The following MSRA variants were observed in gnomAD, a reference collection of about 807,000 sequenced individuals.
MSRA encodes the protein methionine sulfoxide reductase A.
In MSRA, 54 loss-of-function variants were observed where a neutral mutation model predicts 31.3. The observed-to-expected ratio is 1.73, with a 90% CI of 1.39 to 2.17. The LOEUF is 2.17. Among genes scored for constraint, MSRA ranks in the 30% most tolerant of loss-of-function variants. MSRA has a pLI of 0.00. For missense variants in MSRA, 507 were observed against 300.9 expected, an observed-to-expected ratio of 1.69 and a Z score of -5.07; for synonymous variants, 169 against 116.5, an observed-to-expected ratio of 1.45 and a Z score of -2.90.
chr8:10,389,629 G>A (rs765313180), intron 5 of MSRA, among the ~76,000 whole-genome samples: 3 of 151,968 alleles, frequency 2.0e-5, no homozygotes, highest in Non-Finnish European at 4.4e-5. Flanking sequence ...AGCAGGCCCT[G>A]CTTCCTGCCC....
At chr8:10,295,718 T>A (rs1338816109) in intron 3 of MSRA, among the ~76,000 whole-genome samples, 2 of 152,156 alleles carry the variant, frequency 1.3e-5, no homozygotes, top group Admixed American at 1.3e-4. Context: ...TGGCACCCCC[T>A]GGAGAGGTGG....
At chr8:10,089,470 A>C (rs971309454) in intron 1 of MSRA, among the ~76,000 whole-genome samples, 8 of 152,202 alleles carry the variant, frequency 5.3e-5, no homozygotes, top group African/African-American at 2.4e-5. Flanking sequence ...TTGCCATTGC[A>C]CATTCCCATG....
intron 1 of MSRA, among the ~76,000 whole-genome samples, chr8:10,098,771 C>A (rs535076179): frequency 6.6e-6 from 1 of 152,296 alleles, no homozygotes; most frequent in East Asian, 1.9e-4. Context: ...TTGTTCAAGT[C>A]TTCTGACAGA....
chr8:10,112,350 CT>C (rs1482532889), intron 1 of MSRA, among the ~76,000 whole-genome samples: 2 of 152,130 alleles, frequency 1.3e-5, no homozygotes, highest in African/African-American at 2.4e-5. Context: ...GAAATAAAAG[CT>C]GTTGGTAAAT....
intron 1 of MSRA, among the ~76,000 whole-genome samples, chr8:10,161,570 C>T (rs143597058): frequency 3.9e-5 from 6 of 152,240 alleles, no homozygotes; most frequent in African/African-American, 1.4e-4. Flanking sequence ...CTTAGGAGAG[C>T]CTCCTTTGCC....
intron 5 of MSRA, among the ~76,000 whole-genome samples, chr8:10,386,053 T>C (rs976107933): frequency 5.3e-5 from 8 of 152,190 alleles, no homozygotes; most frequent in African/African-American, 1.7e-4. Flanking sequence ...GATGGCAGTC[T>C]CGTCAATACC....
At chr8:10,386,457 C>G (rs981310908) in intron 5 of MSRA, among the ~76,000 whole-genome samples, 18 of 152,304 alleles carry the variant, frequency 1.2e-4, no homozygotes, top group African/African-American at 4.3e-4. Context: ...TCATTGACAT[C>G]ATAGACAAAG....
chr8:10,395,329 C>T (rs1371498473), intron 5 of MSRA, among the ~76,000 whole-genome samples: 1 of 152,054 alleles, frequency 6.6e-6, no homozygotes, highest in South Asian at 2.1e-4. Context: ...GAAGGGATGA[C>T]CTAAATACGT....
rs80011049 is a variant in MSRA at position 10,269,609 on chromosome 8, C to G, written c.331+24386C>G. Among the ~76,000 whole-genome samples the G allele has an allele frequency of 2.6e-4, 39 of 152,226 alleles. 1 individual carries two copies. In the East Asian group the frequency reaches 7.5e-3, roughly 29 times the overall value. ...ATTTGGACATCAGCTTTGCTGCTAC[C>G]GCTTACTCTCTCTTTTGGTTTTTTG... On this transcript the variant is annotated intron_variant, in intron 3 of 5. Transcript: ENST00000317173.
intron 1 of MSRA, among the ~76,000 whole-genome samples, chr8:10,202,707 A>G (rs1396841978): frequency 6.6e-6 from 1 of 152,252 alleles, no homozygotes; most frequent in Non-Finnish European, 1.5e-5. Context: ...GTTGGAAAGT[A>G]AAGTTCACAC....
chr8:10,203,667 G>A (rs1397915586), intron 1 of MSRA, among the ~76,000 whole-genome samples: 1 of 152,208 alleles, frequency 6.6e-6, no homozygotes, highest in African/African-American at 2.4e-5. Flanking sequence ...CATAAACAAT[G>A]ATGTTACTGG....
At chr8:10,290,906 T>C (rs1395827016) in intron 3 of MSRA, among the ~76,000 whole-genome samples, 2 of 152,192 alleles carry the variant, frequency 1.3e-5, no homozygotes, top group East Asian at 3.8e-4. Flanking sequence ...CCTGCCTGTT[T>C]CGCAGCAGAG....
chr8:10,283,160 A>ACTCTCTCTCTCTCTCTCT lies in MSRA; in HGVS notation c.332-18369_332-18368insTCTCTCTCTCTCTCTCTC, dbSNP rs71521648. Among the ~76,000 whole-genome samples the ACTCTCTCTCTCTCTCTCT allele has an allele frequency of 1.4e-3, 198 of 140,226 alleles. 1 individual carries two copies. The highest frequency in any genetic ancestry group is 4.7e-3 in the African/African-American group (172 of 36,844). The allele number at this position is 140,226 out of a possible 152,430, so 92.0% of individuals were successfully genotyped here. A position where few individuals can be genotyped will look rare whatever the true frequency, so the allele number is the denominator to read the frequency against. ...CACACACACACACACACACACACACACTCTCACCCTTCTCTTTGCTGGGGA... is the reference window on the plus strand; with the variant it reads ...CACACACACACACACACACACACACACTCTCTCTCTCTCTCTCTCTCTCACCCTTCTCTTTGCTGGGGA... On this transcript the variant is annotated intron_variant, in intron 3 of 5. Coordinates refer to ENST00000317173, the MANE Select transcript of MSRA (RefSeq NM_012331.5).
intron 3 of MSRA, among the ~76,000 whole-genome samples, chr8:10,263,414 AG>A (rs368280405): frequency 5.9e-5 from 9 of 152,316 alleles, no homozygotes; most frequent in Middle Eastern, 3.4e-3. Context: ...ATAGGAAAAA[AG>A]ACTACATCAT....
intron 5 of MSRA, among the ~76,000 whole-genome samples, chr8:10,396,971 C>G (rs951076892): frequency 6.6e-6 from 1 of 152,170 alleles, no homozygotes; most frequent in Non-Finnish European, 1.5e-5. Flanking sequence ...TTCAGAGTGT[C>G]GCTGAGTACC....
At chr8:10,065,674 G>C (rs926610200) in intron 1 of MSRA, among the ~76,000 whole-genome samples, 10 of 152,298 alleles carry the variant, frequency 6.6e-5, no homozygotes, top group Middle Eastern at 3.4e-3. Context: ...TATTTTTTCA[G>C]AATAAGGAGA....
chr8:10,417,879 A>T (rs1039045577), intron 5 of MSRA, among the ~76,000 whole-genome samples: 1 of 151,820 alleles, frequency 6.6e-6, no homozygotes, highest in African/African-American at 2.4e-5. Context: ...AGAAGGGGGA[A>T]GGTAGGAACC....
In MSRA at chr8:10,069,949, A is replaced by T. The variant is rs572601307; in HGVS notation, c.142+15291A>T. On this transcript the variant is annotated intron_variant, in intron 1 of 5. Transcript: ENST00000317173. ...CAAAACCACACCCTCTTTAACGTTG[A>T]AATATTGATATGTTTGTTAATCACA... Among the ~76,000 whole-genome samples the T allele has an allele frequency of 2.0e-5, 3 of 152,362 alleles. No homozygotes were observed. In the East Asian group the frequency reaches 5.8e-4, roughly 29 times the overall value.
intron 3 of MSRA, among the ~76,000 whole-genome samples, chr8:10,264,371 T>G (rs924687553): frequency 2.6e-5 from 4 of 152,278 alleles, no homozygotes; most frequent in Admixed American, 6.5e-5. Flanking sequence ...TTATAAATTA[T>G]ATGCACATAG....
Sources: gnomAD v4.1 joint callset for allele counts (sites outside exome capture counted in the v4.1 genomes callset) on GRCh38, gnomAD v4.1.1 for gene constraint, MANE v1.5 for transcripts, NCBI Gene and HGNC (gene_info 2026-07-23, HGNC 2026-07-21) for gene names.